NDUFB5: variants seen among roughly 807,000 people sequenced by gnomAD.
The protein encoded by NDUFB5 is NADH dehydrogenase [ubiquinone] 1 beta subcomplex subunit 5, mitochondrial.
Under a neutral mutation model 19.4 loss-of-function variants are expected in NDUFB5, and 19 were observed. That is an observed-to-expected ratio of 0.98 (90% CI 0.68 to 1.43). NDUFB5 has a LOEUF of 1.43. Among genes scored for constraint, NDUFB5 ranks in the 40% most tolerant of loss-of-function variants. The probability of loss-of-function intolerance (pLI) is 0.00; values close to 1 mark genes in which losing one functional copy is unlikely to be tolerated. For missense variants in NDUFB5, 233 were observed against 236.5 expected (o/e 0.99, Z 0.10); for synonymous variants, 80 against 82.6 (o/e 0.97, Z 0.17).
intron 5 of NDUFB5, among the ~76,000 whole-genome samples, chr3:179,621,496 CTTT>C (rs35414472): frequency 2.3e-5 from 3 of 130,582 alleles, no homozygotes; most frequent in Non-Finnish European, 1.6e-5. Context: ...TTTTCTTTTT[CTTT>C]TTTTTTTTTT....
chr3:179,621,324 C>T (rs578047274), intron 5 of NDUFB5, among the ~76,000 whole-genome samples: 5 of 152,190 alleles, frequency 3.3e-5, no homozygotes, highest in African/African-American at 1.2e-4. Flanking sequence ...GCGATCCACC[C>T]TCTGGGCCTC....
At chr3:179,620,834 A>T (rs1719515076) in intron 5 of NDUFB5, among the ~76,000 whole-genome samples, 1 of 152,230 alleles carries the variant, frequency 6.6e-6, no homozygotes, top group Non-Finnish European at 1.5e-5. Context: ...TTAATAAGCC[A>T]AATAGCACAT....
intron 3 of NDUFB5, 63 bp downstream of exon 3, chr3:179,616,112 T>G (rs1719371029): frequency 1.7e-6 from 2 of 1,172,550 alleles, no homozygotes; most frequent in South Asian, 2.7e-5. Context: ...CATATGTACA[T>G]TAATATAAAA....
At chr3:179,623,086 C>T (rs953358112) in intron 5 of NDUFB5, among the ~76,000 whole-genome samples, 1 of 152,116 alleles carries the variant, frequency 6.6e-6, no homozygotes, top group South Asian at 2.1e-4. Flanking sequence ...GTTGACCGGG[C>T]CTGGTATAAT....
chr3:179,607,753 C>G, intron 1 of NDUFB5: 1 of 702,688 alleles, frequency 1.4e-6, no homozygotes, highest in Non-Finnish European at 2.6e-6. Context: ...TCCCCTTCCA[C>G]GTAGCCCCTG....
intron 5 of NDUFB5, among the ~76,000 whole-genome samples, chr3:179,622,442 G>A (rs1482685563): frequency 6.6e-6 from 1 of 152,060 alleles, no homozygotes; most frequent in Non-Finnish European, 1.5e-5. Context: ...ACTGCTCCCA[G>A]CTTACTATTT....
chr3:179,618,049 A>C (rs1386951846), intron 4 of NDUFB5, among the ~76,000 whole-genome samples: 1 of 152,296 alleles, frequency 6.6e-6, no homozygotes, highest in Middle Eastern at 3.4e-3. Flanking sequence ...GTTTATGCTA[A>C]CTGGTGCAAA....
chr3:179,614,424 T>G (rs1274322699), intron 1 of NDUFB5, among the ~76,000 whole-genome samples: 1 of 152,220 alleles, frequency 6.6e-6, no homozygotes, highest in African/African-American at 2.4e-5. Flanking sequence ...CCATCTATTT[T>G]GCAGCATAAT....
rs376623093 is a variant in NDUFB5, at chr3:179,604,837, C to G, written c.22C>G (p.Arg8Gly). ...AGCCATGGCGGCCATGAGTTTGTTGCGGCGGGTTTCGGTTACTGCGGTGGC... is the reference window on the plus strand; with the variant it reads ...AGCCATGGCGGCCATGAGTTTGTTGGGGCGGGTTTCGGTTACTGCGGTGGC... MAAMSLL[R>G]RVSVTAVAAL... Residue 8 changes from arginine (R) to glycine (G), a missense_variant, in exon 1 of 6, where the codon CGG becomes GGG. By Grantham distance (125) the Arg-to-Gly change is moderately radical. Coordinates refer to ENST00000259037, the MANE Select transcript of NDUFB5 (RefSeq NM_002492.4). The G allele has an allele frequency of 2.5e-6, 4 of 1,606,046 alleles. No individual in the cohort carries two copies. Among genetic ancestry groups the G allele is most frequent in the Non-Finnish European group, 3.4e-6 (4 of 1,178,028 alleles).
Position 179,625,202 on chromosome 3 carries a change from G to A in NDUFB5, c.*1162G>A, listed in dbSNP as rs546675312. On this transcript the variant is annotated 3_prime_UTR_variant, in exon 6 of 6. Coordinates refer to ENST00000259037, the MANE Select transcript of NDUFB5 (RefSeq NM_002492.4). Reference sequence around the variant, plus strand: ...ACATTTACACTTCAACTTCCAAAATGGCTTTTTACCATAAACATTCAGGAT... The same window carrying A: ...ACATTTACACTTCAACTTCCAAAATAGCTTTTTACCATAAACATTCAGGAT... 74 of 152,208 alleles carry A rather than the reference G, an allele frequency of 4.9e-4. No individual in the cohort carries two copies. The highest frequency in any genetic ancestry group is 1.7e-3 in the African/African-American group (71 of 41,540). The allele number at this position is 152,208 out of a possible 1,614,324, so 9.4% of individuals were successfully genotyped here. A position where few individuals can be genotyped will look rare whatever the true frequency, so the allele number is the denominator to read the frequency against.
At chr3:179,619,985 A>G (rs1343551893) in intron 5 of NDUFB5, among the ~76,000 whole-genome samples, 1 of 152,228 alleles carries the variant, frequency 6.6e-6, no homozygotes, top group African/African-American at 2.4e-5. Context: ...TTTTGGCTGC[A>G]TAAATGTCTT....
intron 3 of NDUFB5, 62 bp from the exon 4 acceptor site, chr3:179,616,921 T>G (rs1047499867): frequency 1.7e-5 from 22 of 1,294,068 alleles, no homozygotes; most frequent in Non-Finnish European, 2.4e-5. Flanking sequence ...ACTTTAATGG[T>G]GAATAATTAA....
At chr3:179,616,108 T>C in intron 3 of NDUFB5, 59 bp downstream of exon 3, 1 of 1,183,416 alleles carries the variant, frequency 8.5e-7, no homozygotes, top group South Asian at 1.3e-5. Flanking sequence ...TAAACATATG[T>C]ACATTAATAT....
chr3:179,604,897 G>A lies in NDUFB5; in HGVS notation c.82G>A (p.Gly28Arg), dbSNP rs778357971. Reference protein sequence around the residue: ...LSGRPLGTRLGFGGFLTRGFP... With the variant: ...LSGRPLGTRLRFGGFLTRGFP... ...TGGCCGGCCCCTTGGCACTCGCCTC[G>A]GATTTGGGGGCTTCCTCACTCGTGG... is the stretch of plus-strand genomic sequence containing the variant. Residue 28 changes from glycine to arginine, a missense_variant, in exon 1 of 6, where the codon GGA becomes AGA. Physicochemically the swap from Gly to Arg is moderately radical, Grantham distance 125. Transcript: ENST00000259037. The A allele has an allele frequency of 1.9e-6, 3 of 1,592,186 alleles. No homozygotes were observed. The highest frequency in any genetic ancestry group is 2.6e-6 in the Non-Finnish European group (3 of 1,173,692).
intron 2 of NDUFB5, chr3:179,615,394 T>C (rs1719351094): frequency 7.7e-6 from 2 of 259,562 alleles, no homozygotes; most frequent in South Asian, 8.9e-5. Flanking sequence ...AAAGACTTGC[T>C]TAAATAAAGG....
chr3:179,615,599 C>G (rs1719357056), intron 2 of NDUFB5: 1 of 467,842 alleles, frequency 2.1e-6, no homozygotes, highest in Admixed American at 2.3e-5. Context: ...GGGAGATTGT[C>G]TGGACCATCT....
intron 1 of NDUFB5, among the ~76,000 whole-genome samples, chr3:179,606,496 G>A (rs1719105623): frequency 2.0e-5 from 3 of 151,862 alleles, no homozygotes; most frequent in African/African-American, 4.8e-5. Context: ...ACGCCTCCAT[G>A]CCCGGCTAAT....
intron 1 of NDUFB5, among the ~76,000 whole-genome samples, chr3:179,609,029 C>T (rs963516105): frequency 8.5e-5 from 13 of 152,146 alleles, no homozygotes; most frequent in Non-Finnish European, 1.3e-4. Context: ...CTTGAAACTG[C>T]GACCGTCAGA....
At chr3:179,607,827 A>G (rs910847631) in intron 1 of NDUFB5, 1 of 702,146 alleles carries the variant, frequency 1.4e-6, no homozygotes, top group Non-Finnish European at 2.6e-6. Context: ...GTAGAATCAT[A>G]TAATATTTGT....
Sources: gnomAD v4.1 joint callset for allele counts (sites outside exome capture counted in the v4.1 genomes callset) on GRCh38, gnomAD v4.1.1 for gene constraint, MANE v1.5 for transcripts, NCBI Gene and HGNC (gene_info 2026-07-23, HGNC 2026-07-21) for gene names.